The following ZMYND8 variants were observed in gnomAD, a reference collection of about 807,000 sequenced individuals.
The protein encoded by ZMYND8 is MYND-type zinc finger-containing chromatin reader ZMYND8.
A neutral mutation model predicts 140.8 loss-of-function variants in ZMYND8; 37 were observed. The ratio of observed to expected loss-of-function variants is 0.26; its 90% confidence interval spans 0.20 to 0.35. ZMYND8 has a LOEUF of 0.35. Among genes scored for constraint, ZMYND8 ranks in the 10% least tolerant of loss-of-function variants. ZMYND8 has a pLI of 1.00. For synonymous variants in ZMYND8, 592 were observed against 597.1 expected, an observed-to-expected ratio of 0.99 and a Z score of 0.12; for missense variants, 1,068 against 1,570.0, an observed-to-expected ratio of 0.68 and a Z score of 5.40.
intron 3 of ZMYND8, 113 bp from the exon 4 acceptor site, chr20:47,299,060 T>C: frequency 4.8e-6 from 5 of 1,031,644 alleles, no homozygotes; most frequent in South Asian, 3.0e-5. Context: ...TTTCACAAAT[T>C]CATTAAAAAG....
chr20:47,312,188 C>T (rs1017638507), intron 2 of ZMYND8, among the ~76,000 whole-genome samples: 5 of 152,206 alleles, frequency 3.3e-5, no homozygotes, highest in African/African-American at 1.2e-4. Flanking sequence ...ATCTGTCTCC[C>T]TGTCTGTAGG....
chr20:47,304,802 T>TA (rs2078351565), intron 3 of ZMYND8, among the ~76,000 whole-genome samples: 1 of 152,142 alleles, frequency 6.6e-6, no homozygotes, highest in African/African-American at 2.4e-5. Flanking sequence ...AGACCCATCT[T>TA]ACAGAGGCAG....
intron 15 of ZMYND8, chr20:47,238,471 A>G: frequency 2.0e-6 from 1 of 498,982 alleles, no homozygotes; most frequent in South Asian, 2.1e-5. Context: ...AATGGAAGGT[A>G]AACGGGATAA....
rs1439440372 is a variant in ZMYND8, at chr20:47,262,322, G to A, written c.1587C>T (p.Thr529=). ...SAPITTKTDK[T]STTGSILNLN... ...GATTCAGGATGCTGCCGGTGGTGGA[G>A]GTTTTGTCCGTTTTCGTCGTGATAG... Residue 529 remains threonine (T), a synonymous_variant, in exon 12 of 23, where the codon ACC becomes ACT. Coordinates refer to ENST00000471951, the MANE Select transcript of ZMYND8 (RefSeq NM_001281775.3). 2 of 1,614,060 alleles carry A rather than the reference G, an allele frequency of 1.2e-6. No individual in the cohort carries two copies. Among genetic ancestry groups the A allele is most frequent in the African/African-American group, 1.3e-5 (1 of 74,996 alleles).
intron 19 of ZMYND8, among the ~76,000 whole-genome samples, chr20:47,223,322 A>G (rs61033649): frequency 0.016 from 2,418 of 152,110 alleles, 47 homozygotes; most frequent in African/African-American, 0.051. Flanking sequence ...CCTGGCCAAC[A>G]TGGTGAAACC....
intron 2 of ZMYND8, among the ~76,000 whole-genome samples, chr20:47,332,584 C>T (rs1384161400): frequency 6.6e-6 from 1 of 152,066 alleles, no homozygotes; most frequent in Non-Finnish European, 1.5e-5. Context: ...GTGGCATGTA[C>T]AGGTAGTCCC....
chr20:47,309,399 G>A lies in ZMYND8; in HGVS notation c.234+657C>T, dbSNP rs889095681. On this transcript the variant is annotated intron_variant, in intron 3 of 22. Coordinates refer to ENST00000471951, the MANE Select transcript of ZMYND8 (RefSeq NM_001281775.3). ...CGGCTCACTGCAACCTCCGCCTCCC[G>A]GGTTCAAGCGATTCTCCTGCCTCGG... 2.0e-5 allele frequency among the ~76,000 whole-genome samples: 3 copies of A among 151,888 alleles called. No homozygotes were observed. The South Asian group carries it at 6.2e-4, about 32-fold the overall frequency.
intron 22 of ZMYND8, among the ~76,000 whole-genome samples, chr20:47,212,240 A>C (rs1327704689): frequency 6.6e-6 from 1 of 152,140 alleles, no homozygotes; most frequent in East Asian, 1.9e-4. Flanking sequence ...AAGAAATGGG[A>C]CCAGGGCCAA....
At chr20:47,255,991 C>T (rs1351726054) in intron 12 of ZMYND8, among the ~76,000 whole-genome samples, 2 of 141,638 alleles carry the variant, frequency 1.4e-5, no homozygotes, top group South Asian at 2.3e-4. Context: ...GAGAATCACC[C>T]GAACCCAGGA....
chr20:47,353,847 A>C (rs2082995945), intron 1 of ZMYND8: 1 of 152,202 alleles, frequency 6.6e-6, no homozygotes, highest in African/African-American at 2.4e-5. Flanking sequence ...TAGGAATGGA[A>C]GGTAGGAGAC....
chr20:47,270,990 T>C (rs996700038), intron 11 of ZMYND8, among the ~76,000 whole-genome samples: 2 of 151,706 alleles, frequency 1.3e-5, no homozygotes, highest in Non-Finnish European at 2.9e-5. Flanking sequence ...GGCAGGAGAA[T>C]GGCGTGAACC....
intron 1 of ZMYND8, chr20:47,353,221 ACCTGATGCAGTCTCCCCACTGGTTCTC>A (rs2082943664): frequency 6.6e-6 from 1 of 152,136 alleles, no homozygotes; most frequent in Non-Finnish European, 1.5e-5. Context: ...CCTATTTAAG[ACCTGATGCAGTCTCCCCACTGGTTCTC>A]CCAGGGAAAG....
chr20:47,262,523 T>TCAAACACAATTTCA, intron 11 of ZMYND8, 95 bp from the exon 12 acceptor site: 1 of 1,515,546 alleles, frequency 6.6e-7, no homozygotes, highest in Non-Finnish European at 9.0e-7. Context: ...GATTATGAAA[T>TCAAACACAATTTCA]TGTGTTTGAT....
chr20:47,239,622 C>T (rs1345533040), intron 14 of ZMYND8, among the ~76,000 whole-genome samples: 1 of 152,192 alleles, frequency 6.6e-6, no homozygotes, highest in African/African-American at 2.4e-5. Context: ...AGATGGCCTC[C>T]CAATGGCCAA....
At chr20:47,302,200 GGC>G (rs1342034900) in intron 3 of ZMYND8, among the ~76,000 whole-genome samples, 37 of 640 alleles carry the variant, frequency 0.058, no homozygotes, top group Non-Finnish European at 0.068. Flanking sequence ...GTTTAGGCCA[GGC>G]GTGGTGGCAC....
intron 4 of ZMYND8, among the ~76,000 whole-genome samples, chr20:47,296,178 T>C (rs1192010907): frequency 6.6e-6 from 1 of 152,236 alleles, no homozygotes; most frequent in Non-Finnish European, 1.5e-5. Context: ...ACCTGTTTGT[T>C]TGATTCTGGT....
chr20:47,229,156 A>T (rs571039854), intron 17 of ZMYND8, among the ~76,000 whole-genome samples: 5 of 150,962 alleles, frequency 3.3e-5, no homozygotes, highest in African/African-American at 7.3e-5. Flanking sequence ...TTGTTTTTTT[A>T]AAATTTTTGT....
intron 3 of ZMYND8, among the ~76,000 whole-genome samples, chr20:47,305,243 CTT>C (rs371029817): frequency 1.4e-5 from 2 of 145,396 alleles, no homozygotes; most frequent in East Asian, 2.0e-4. Context: ...AGCCCTGCCT[CTT>C]TTTTTTTTTT....
intron 2 of ZMYND8, among the ~76,000 whole-genome samples, chr20:47,341,598 C>T (rs955032002): frequency 6.1e-5 from 9 of 146,664 alleles, no homozygotes; most frequent in East Asian, 2.1e-4. Context: ...TGGCCAGGTG[C>T]GGTGGTTCAT....
Sources: allele counts gnomAD v4.1 joint callset (sites outside exome capture counted in the v4.1 genomes callset), GRCh38; gene constraint gnomAD v4.1.1; transcripts MANE v1.5; gene names NCBI Gene and HGNC (gene_info 2026-07-23, HGNC 2026-07-21).